SH3GL3: variants seen among roughly 807,000 people sequenced by gnomAD.
The protein encoded by SH3GL3 is endophilin-A3.
SH3GL3 carries 33 observed loss-of-function variants against 47.7 expected under a neutral mutation model. The ratio of observed to expected loss-of-function variants is 0.69; its 90% confidence interval spans 0.52 to 0.92. The LOEUF (loss-of-function observed/expected upper bound fraction) is 0.92, where lower values mean the gene tolerates loss of function less well. Among genes scored for constraint, SH3GL3 ranks in the 40% least tolerant of loss-of-function variants. The pLI is 0.00. For synonymous variants in SH3GL3, 155 were observed against 148.8 expected (o/e 1.04, Z -0.30); for missense variants, 363 against 417.8 (o/e 0.87, Z 1.14).
intron 1 of SH3GL3, among the ~76,000 whole-genome samples, chr15:83,460,237 A>G (rs1344554569): frequency 2.6e-5 from 4 of 151,304 alleles, no homozygotes. Flanking sequence ...AGTAGCTGAG[A>G]TTAAAGACGG....
intron 1 of SH3GL3, among the ~76,000 whole-genome samples, chr15:83,539,612 T>A (rs2044069020): frequency 6.6e-6 from 1 of 152,234 alleles, no homozygotes; most frequent in Non-Finnish European, 1.5e-5. Context: ...TCATGACTCA[T>A]CAGAGTTCTT....
At chr15:83,530,409 C>G (rs1287580477) in intron 1 of SH3GL3, among the ~76,000 whole-genome samples, 1 of 152,204 alleles carries the variant, frequency 6.6e-6, no homozygotes. Flanking sequence ...CTGATGCCAG[C>G]TGAACTGGCC....
intron 4 of SH3GL3, 93 bp downstream of exon 4, chr15:83,568,765 A>G: frequency 1.2e-6 from 1 of 847,568 alleles, no homozygotes; most frequent in East Asian, 2.6e-5. Context: ...AACCTTTGTT[A>G]TTTTTCCATA....
At chr15:83,553,353 T>C (rs998826981) in intron 1 of SH3GL3, among the ~76,000 whole-genome samples, 1 of 152,264 alleles carries the variant, frequency 6.6e-6, no homozygotes, top group South Asian at 2.1e-4. Flanking sequence ...TCTTAGAAGA[T>C]GTATATAGCT....
chr15:83,493,772 GA>G (rs1481492244), intron 1 of SH3GL3, among the ~76,000 whole-genome samples: 2 of 151,420 alleles, frequency 1.3e-5, no homozygotes, highest in Non-Finnish European at 3.0e-5. Context: ...TGCTGGGCGG[GA>G]GGGAGGGTGA....
chr15:83,588,048 G>A (rs1217650350), intron 7 of SH3GL3, among the ~76,000 whole-genome samples: 1 of 152,178 alleles, frequency 6.6e-6, no homozygotes, highest in Non-Finnish European at 1.5e-5. Flanking sequence ...CCATCACTGG[G>A]TGCCGACCGC....
At chr15:83,504,526 ATC>A (rs1233627681) in intron 1 of SH3GL3, among the ~76,000 whole-genome samples, 1 of 152,222 alleles carries the variant, frequency 6.6e-6, no homozygotes, top group African/African-American at 2.4e-5. Flanking sequence ...TCATGGATGA[ATC>A]ACTCTGGGGG....
intron 2 of SH3GL3, among the ~76,000 whole-genome samples, chr15:83,561,632 T>C (rs2045278688): frequency 6.6e-6 from 1 of 152,070 alleles, no homozygotes; most frequent in Non-Finnish European, 1.5e-5. Flanking sequence ...CCAAGAGCTT[T>C]AGAAAAGCTG....
intron 1 of SH3GL3, among the ~76,000 whole-genome samples, chr15:83,489,874 GATAGATAGATAGATA>G (rs1242843721): frequency 3.7e-4 from 46 of 125,464 alleles, no homozygotes; most frequent in African/African-American, 1.1e-3. Flanking sequence ...TAGATAGATA[GATAGATAGATAGATA>G]ATAGATAGAT....
intron 1 of SH3GL3, among the ~76,000 whole-genome samples, chr15:83,538,186 A>G (rs1477681355): frequency 6.6e-6 from 1 of 152,120 alleles, no homozygotes; most frequent in East Asian, 1.9e-4. Flanking sequence ...CTAAACAGAG[A>G]CTTCCAGATG....
intron 8 of SH3GL3, among the ~76,000 whole-genome samples, chr15:83,594,192 A>T (rs2060182174): frequency 6.6e-6 from 1 of 152,206 alleles, no homozygotes; most frequent in South Asian, 2.1e-4. Flanking sequence ...TTTTAATGAG[A>T]AACAGTCTTT....
intron 1 of SH3GL3, among the ~76,000 whole-genome samples, chr15:83,547,943 T>G (rs1362843796): frequency 6.6e-6 from 1 of 152,016 alleles, no homozygotes; most frequent in Non-Finnish European, 1.5e-5. Flanking sequence ...CTTTCTTGCC[T>G]TCTTTTGGAT....
chr15:83,608,249 AC>A (rs1443983241), intron 8 of SH3GL3, among the ~76,000 whole-genome samples: 8 of 152,168 alleles, frequency 5.3e-5, no homozygotes. Context: ...CAGTTCATTG[AC>A]TTTTACTAGA....
At chr15:83,548,819 CT>C (rs2044526528) in intron 1 of SH3GL3, among the ~76,000 whole-genome samples, 1 of 152,050 alleles carries the variant, frequency 6.6e-6, no homozygotes, top group East Asian at 1.9e-4. Context: ...AGCTTGGTGT[CT>C]TTTTTCTATT....
At chr15:83,578,509 G>T (rs1254456636) in intron 6 of SH3GL3, among the ~76,000 whole-genome samples, 1 of 152,150 alleles carries the variant, frequency 6.6e-6, no homozygotes, top group African/African-American at 2.4e-5. Context: ...ATTTACCATG[G>T]TGATGTATGG....
At chr15:83,611,026 A>G (rs1339608392) in intron 8 of SH3GL3, among the ~76,000 whole-genome samples, 3 of 150,954 alleles carry the variant, frequency 2.0e-5, no homozygotes, top group East Asian at 3.9e-4. Context: ...GTATAAATGT[A>G]TGTGTGTGTG....
At chr15:83,596,227 A>C (rs1360939816) in intron 8 of SH3GL3, among the ~76,000 whole-genome samples, 1 of 152,228 alleles carries the variant, frequency 6.6e-6, no homozygotes, top group Non-Finnish European at 1.5e-5. Flanking sequence ...ATTTTTTATC[A>C]AATAAGATAC....
At chr15:83,630,592 G>A in the SH3GL3 span, among the ~76,000 whole-genome samples, 4 of 151,986 alleles carry the variant, frequency 2.6e-5, no homozygotes, top group African/African-American at 9.7e-5. Context: ...TTCTTCACAT[G>A]GCTGCAGGAA....
chr15:83,478,484 G>C (rs1015906007), intron 1 of SH3GL3, among the ~76,000 whole-genome samples: 7 of 152,182 alleles, frequency 4.6e-5, no homozygotes, highest in Admixed American at 2.6e-4. Flanking sequence ...AGGGCTGATG[G>C]GTTTGTGCCG....
Sources: allele counts gnomAD v4.1 joint callset (sites outside exome capture counted in the v4.1 genomes callset), GRCh38; gene constraint gnomAD v4.1.1; transcripts MANE v1.5; gene names NCBI Gene and HGNC (gene_info 2026-07-23, HGNC 2026-07-21).